The following ENPEP variants were observed in gnomAD, a reference collection of about 807,000 sequenced individuals.
ENPEP encodes glutamyl aminopeptidase.
ENPEP carries 103 observed loss-of-function variants against 114.5 expected under a neutral mutation model. That is an observed-to-expected ratio of 0.90 (90% confidence interval 0.77 to 1.06). ENPEP has a LOEUF of 1.06. Ranked by LOEUF, ENPEP falls within the 50% of genes least tolerant of loss-of-function variation. The pLI is 0.00. For synonymous variants in ENPEP, 420 were observed against 422.0 expected (o/e 1.00, Z 0.06); for missense variants, 1,196 against 1,161.3 (o/e 1.03, Z -0.43).
At chr4:110,482,924 G>C (rs1724368546) in intron 1 of ENPEP, among the ~76,000 whole-genome samples, 2 of 152,144 alleles carry the variant, frequency 1.3e-5, no homozygotes, top group African/African-American at 2.4e-5. Flanking sequence ...CAGGAGAATT[G>C]CTTGAACCCA....
At position 110,549,322 on chromosome 4, in the gene ENPEP, T is replaced by C. The variant is rs372210033; in HGVS notation, c.2152-24T>C. The stretch of plus-strand genomic sequence containing the variant: ...CTGATATGTAGTAAATTGTTACTTA[T>C]TGTACATAATACTTTTATTTCAGGA... On this transcript the variant is annotated intron_variant, in intron 14 of 19. Coordinates refer to ENST00000265162, the MANE Select transcript of ENPEP (RefSeq NM_001977.4). 8.8e-6 allele frequency: 14 copies of C among 1,583,454 alleles called. No individual in the cohort carries two copies. In the African/African-American group the frequency reaches 1.9e-4, roughly 21 times the overall value.
intron 10 of ENPEP, among the ~76,000 whole-genome samples, chr4:110,524,212 C>T (rs970407190): frequency 1.3e-5 from 2 of 152,052 alleles, no homozygotes; most frequent in Non-Finnish European, 2.9e-5. Context: ...TCCAATTAGA[C>T]TACAAAAGCA....
intron 11 of ENPEP, among the ~76,000 whole-genome samples, chr4:110,539,585 G>A (rs906205993): frequency 6.6e-6 from 1 of 152,048 alleles, no homozygotes; most frequent in African/African-American, 2.4e-5. Flanking sequence ...TGAGATGGGG[G>A]TCTTGCTATG....
At chr4:110,540,157 C>T (rs1726798262) in intron 11 of ENPEP, among the ~76,000 whole-genome samples, 1 of 152,000 alleles carries the variant, frequency 6.6e-6, no homozygotes, top group Non-Finnish European at 1.5e-5. Flanking sequence ...GTCCATTAAA[C>T]TTAGATTTCC....
intron 3 of ENPEP, among the ~76,000 whole-genome samples, chr4:110,504,993 C>T (rs923933570): frequency 6.6e-6 from 1 of 152,182 alleles, no homozygotes; most frequent in Non-Finnish European, 1.5e-5. Context: ...AAGAGGACTG[C>T]CCTTCCTGAA....
intron 14 of ENPEP, among the ~76,000 whole-genome samples, chr4:110,548,607 C>T (rs1425772197): frequency 6.6e-6 from 1 of 151,984 alleles, no homozygotes; most frequent in African/African-American, 2.4e-5. Flanking sequence ...AAATATACAA[C>T]ATTTTAAACA....
At chr4:110,528,372 A>G (rs1726277581) in intron 10 of ENPEP, among the ~76,000 whole-genome samples, 1 of 152,206 alleles carries the variant, frequency 6.6e-6, no homozygotes, top group African/African-American at 2.4e-5. Flanking sequence ...TGATCATAAT[A>G]AATGCCTTCA....
intron 3 of ENPEP, chr4:110,506,301 A>G: frequency 5.5e-6 from 1 of 183,186 alleles, no homozygotes; most frequent in South Asian, 1.5e-4. Flanking sequence ...ATAGATTTTA[A>G]GAAGATAATA....
At chr4:110,559,789 A>C (rs967800673) in intron 19 of ENPEP, 64 bp downstream of exon 19, 12 of 1,351,676 alleles carry the variant, frequency 8.9e-6, no homozygotes, top group Non-Finnish European at 6.3e-6. Context: ...TTTAAAAAAA[A>C]TTTTACTTTA....
chr4:110,514,825 T>C (rs1013312950), intron 7 of ENPEP, among the ~76,000 whole-genome samples: 3 of 152,098 alleles, frequency 2.0e-5, no homozygotes, highest in African/African-American at 7.2e-5. Context: ...TTCATCAGAT[T>C]CTTCAGATGA....
rs190565889 is a variant in ENPEP, at chr4:110,487,231, G to C, written c.645-1310G>C. On this transcript the variant is annotated intron_variant, in intron 1 of 19. Coordinates refer to ENST00000265162, the MANE Select transcript of ENPEP (RefSeq NM_001977.4). ...TAATTTCTAATCTTGTAGCTAATTT[G>C]TTAGTCCTGCAAAGGCAGACTGGTC... Among the ~76,000 whole-genome samples, 4 of 152,334 alleles carry C rather than the reference G, an allele frequency of 2.6e-5. No individual in the cohort carries two copies. The East Asian group carries it at 7.7e-4, about 29-fold the overall frequency.
At position 110,491,081 on chromosome 4, in the gene ENPEP, T is replaced by C. The variant is rs1170000184; in HGVS notation, c.835T>C (p.Ser279Pro). 1.9e-6 allele frequency: 3 copies of C among 1,612,816 alleles called. No individual in the cohort carries two copies. The highest frequency in any genetic ancestry group is 2.5e-6 in the Non-Finnish European group (3 of 1,179,934). ...ATGGACTCGAACAACTTTTGAGAAG[T>C]CTGTCCCCATGAGCACGTACCTGGT... ...DKWTRTTFEK[S>P]VPMSTYLVCF... The change falls in exon 3 of 20, where the codon TCT becomes CCT. Residue 279 changes from serine (S) to proline (P), a missense_variant. Ser to Pro is a moderately conservative substitution (Grantham distance 74). Coordinates refer to ENST00000265162, the MANE Select transcript of ENPEP (RefSeq NM_001977.4).
chr4:110,529,395 C>T (rs1392737066), intron 10 of ENPEP, among the ~76,000 whole-genome samples: 2 of 152,054 alleles, frequency 1.3e-5, no homozygotes, highest in African/African-American at 4.8e-5. Flanking sequence ...AGAAGCAGAC[C>T]CCGAAATGAT....
At chr4:110,533,095 G>T (rs1330670925) in intron 11 of ENPEP, 2 of 452,482 alleles carry the variant, frequency 4.4e-6, no homozygotes, top group South Asian at 3.1e-5. Context: ...GTTAATTGAG[G>T]ATTGGAAGAA....
At chr4:110,516,338 C>A (rs1010114604) in intron 8 of ENPEP, among the ~76,000 whole-genome samples, 2 of 152,070 alleles carry the variant, frequency 1.3e-5, no homozygotes, top group South Asian at 4.1e-4. Flanking sequence ...CCAATCGTCC[C>A]AGGTTTGTTT....
intron 19 of ENPEP, 100 bp from the exon 20 acceptor site, chr4:110,561,305 AT>A: frequency 7.9e-7 from 1 of 1,264,600 alleles, no homozygotes; most frequent in Admixed American, 2.0e-5. Context: ...GTGATACTGA[AT>A]TTCTAGGTAA....
At chr4:110,535,841 AG>A (rs1368983040) in intron 11 of ENPEP, among the ~76,000 whole-genome samples, 7 of 152,248 alleles carry the variant, frequency 4.6e-5, no homozygotes, top group Non-Finnish European at 1.5e-5. Context: ...ATACAAAGTT[AG>A]CCAGGCATAG....
chr4:110,545,562 C>T (rs1467430939), intron 13 of ENPEP, among the ~76,000 whole-genome samples: 1 of 151,966 alleles, frequency 6.6e-6, no homozygotes, highest in Admixed American at 6.6e-5. Flanking sequence ...CACCGTGCTG[C>T]CTCTGGTTTC....
intron 17 of ENPEP, among the ~76,000 whole-genome samples, chr4:110,550,775 T>A (rs1409738702): frequency 6.6e-6 from 1 of 152,070 alleles, no homozygotes; most frequent in East Asian, 1.9e-4. Flanking sequence ...CATCTATCCT[T>A]GAGATACTTA....
Sources: allele counts gnomAD v4.1 joint callset (sites outside exome capture counted in the v4.1 genomes callset), GRCh38; gene constraint gnomAD v4.1.1; transcripts MANE v1.5; gene names NCBI Gene and HGNC (gene_info 2026-07-23, HGNC 2026-07-21).